Variants in KCNK13 observed in about 807,000 individuals in gnomAD.
The protein encoded by KCNK13 is potassium channel subfamily K member 13.
Under a neutral mutation model 23.4 loss-of-function variants are expected in KCNK13, and 12 were observed. The ratio of observed to expected loss-of-function variants is 0.51; its 90% CI spans 0.33 to 0.83. The LOEUF is 0.83. Ranked by LOEUF, KCNK13 falls within the 40% of genes least tolerant of loss-of-function variation. The pLI, the probability that KCNK13 is intolerant of heterozygous loss-of-function variation, is 0.02. For synonymous variants in KCNK13, 231 were observed against 229.5 expected (o/e 1.01, Z -0.06); for missense variants, 463 against 556.3 (o/e 0.83, Z 1.69).
At chr14:90,130,015 G>A (rs1008836842) in intron 1 of KCNK13, among the ~76,000 whole-genome samples, 6 of 152,108 alleles carry the variant, frequency 3.9e-5, no homozygotes, top group East Asian at 1.9e-4. Context: ...GACCATCAAC[G>A]GACATGTTTT....
intron 1 of KCNK13, among the ~76,000 whole-genome samples, chr14:90,114,427 G>A (rs1889651069): frequency 6.6e-6 from 1 of 152,150 alleles, no homozygotes; most frequent in South Asian, 2.1e-4. Context: ...TAAGTGGTCT[G>A]GGGCATGACC....
chr14:90,146,836 T>G (rs1890078837), intron 1 of KCNK13, among the ~76,000 whole-genome samples: 1 of 152,166 alleles, frequency 6.6e-6, no homozygotes, highest in African/African-American at 2.4e-5. Flanking sequence ...TATCTATTAT[T>G]TGTTCTCTTT....
chr14:90,132,900 C>T (rs1889892169), intron 1 of KCNK13, among the ~76,000 whole-genome samples: 1 of 152,148 alleles, frequency 6.6e-6, no homozygotes, highest in African/African-American at 2.4e-5. Flanking sequence ...TCATTTCCTG[C>T]CACTTCACCT....
chr14:90,184,552 T>G lies in KCNK13; in HGVS notation c.776T>G (p.Phe259Cys). 6.2e-7 allele frequency: 1 copy of G among 1,614,264 alleles called. No homozygotes were observed. Among genetic ancestry groups the G allele is most frequent in the Non-Finnish European group, 8.5e-7 (1 of 1,180,054 alleles). Residue 259 changes from phenylalanine to cysteine, a missense_variant, in exon 2 of 2, where the codon TTT becomes TGT. Transcript: ENST00000282146. The surrounding 1 kb of genome is among the most constrained non-coding windows in gnomAD (Gnocchi z 5.6). ...AHYESQGLYRFANFVFILMGV... is the reference protein window; with the variant it reads ...AHYESQGLYRCANFVFILMGV... ...TATGAGAGCCAAGGCCTCTATCGCT[T>G]TGCCAACTTCGTCTTCATCCTCATG...
intron 1 of KCNK13, among the ~76,000 whole-genome samples, chr14:90,065,543 C>G (rs368342064): frequency 1.3e-5 from 2 of 152,188 alleles, no homozygotes; most frequent in East Asian, 3.8e-4. Flanking sequence ...GCAGGTGCCA[C>G]AGTGGGCAAC....
intron 1 of KCNK13, among the ~76,000 whole-genome samples, chr14:90,127,727 G>A (rs1470687503): frequency 3.3e-5 from 5 of 149,814 alleles, no homozygotes; most frequent in Admixed American, 2.0e-4. Flanking sequence ...GCTGAGGCGG[G>A]AGGATCCCTT....
chr14:90,179,438 G>T lies in KCNK13; in HGVS notation c.335-4673G>T, dbSNP rs751741708. ...TCATGGGCTGAGTGAAGTGTTCTGT[G>T]GGGGTGGACTGGGACCTTGGCAGTC... On this transcript the variant is annotated intron_variant, in intron 1 of 1. Coordinates refer to ENST00000282146, the MANE Select transcript of KCNK13 (RefSeq NM_022054.4). Among the ~76,000 whole-genome samples the T allele has an allele frequency of 4.7e-4, 72 of 152,108 alleles. 2 individuals carry two copies. The highest frequency in any genetic ancestry group is 4.0e-4 in the Non-Finnish European group (27 of 68,014).
intron 1 of KCNK13, among the ~76,000 whole-genome samples, chr14:90,158,133 G>A (rs1890215519): frequency 6.6e-6 from 1 of 152,192 alleles, no homozygotes; most frequent in Non-Finnish European, 1.5e-5. Flanking sequence ...AGGTTAGAAG[G>A]GAGGCGACCA....
At chr14:90,154,792 T>G (rs980538756) in intron 1 of KCNK13, among the ~76,000 whole-genome samples, 3 of 152,256 alleles carry the variant, frequency 2.0e-5, no homozygotes, top group African/African-American at 7.2e-5. Context: ...CCTATTAATT[T>G]TATTAATTTA....
chr14:90,181,882 T>C (rs56731320), intron 1 of KCNK13, among the ~76,000 whole-genome samples: 39,802 of 152,130 alleles, frequency 0.26, 6,399 homozygotes, highest in East Asian at 0.65. Context: ...TTTTTCTGCC[T>C]GTTTGCTGCA....
chr14:90,172,879 G>A (rs1890381201), intron 1 of KCNK13, among the ~76,000 whole-genome samples: 1 of 152,174 alleles, frequency 6.6e-6, no homozygotes, highest in African/African-American at 2.4e-5. Flanking sequence ...TCAGAGAAAT[G>A]AGTGTTGTGA....
chr14:90,126,201 A>G (rs1303029151), intron 1 of KCNK13, among the ~76,000 whole-genome samples: 1 of 152,224 alleles, frequency 6.6e-6, no homozygotes, highest in Non-Finnish European at 1.5e-5. Context: ...AGAAGAATTT[A>G]GTATAATTTT....
chr14:90,114,464 C>T (rs1240239327), intron 1 of KCNK13, among the ~76,000 whole-genome samples: 1 of 152,160 alleles, frequency 6.6e-6, no homozygotes, highest in East Asian at 1.9e-4. Context: ...AAAACCTCTG[C>T]AGGTGATTCT....
chr14:90,081,460 C>T (rs1372609962), intron 1 of KCNK13, among the ~76,000 whole-genome samples: 1 of 152,178 alleles, frequency 6.6e-6, no homozygotes, highest in African/African-American at 2.4e-5. Flanking sequence ...CATCCACAAA[C>T]ATGTAAGCCC....
intron 1 of KCNK13, among the ~76,000 whole-genome samples, chr14:90,119,486 A>C (rs1889712419): frequency 6.6e-6 from 1 of 152,232 alleles, no homozygotes; most frequent in South Asian, 2.1e-4. Flanking sequence ...GGTTGGTTCA[A>C]CATATGCAAA....
At chr14:90,093,654 G>A (rs1001824741) in intron 1 of KCNK13, among the ~76,000 whole-genome samples, 5 of 152,078 alleles carry the variant, frequency 3.3e-5, no homozygotes, top group African/African-American at 9.7e-5. Context: ...TGGTGGTTGG[G>A]GTTATTTGAG....
chr14:90,148,844 A>C (rs1000545459), intron 1 of KCNK13, among the ~76,000 whole-genome samples: 3 of 152,204 alleles, frequency 2.0e-5, no homozygotes, highest in African/African-American at 7.2e-5. Context: ...GAGTAACAAC[A>C]CACTGTTCTT....
chr14:90,072,765 A>G (rs1889091216), intron 1 of KCNK13, among the ~76,000 whole-genome samples: 1 of 152,196 alleles, frequency 6.6e-6, no homozygotes, highest in Non-Finnish European at 1.5e-5. Context: ...TATTTCCTAT[A>G]CACTTTCTCA....
intron 1 of KCNK13, among the ~76,000 whole-genome samples, chr14:90,081,553 G>A (rs1276575017): frequency 6.6e-6 from 1 of 152,016 alleles, no homozygotes; most frequent in Non-Finnish European, 1.5e-5. Flanking sequence ...ACCTACTGAT[G>A]GTTCTTCTTT....
Sources: gnomAD v4.1 joint callset for allele counts (sites outside exome capture counted in the v4.1 genomes callset) on GRCh38, gnomAD v4.1.1 for gene constraint, Gnocchi (gnomAD v3.1) non-coding constraint, MANE v1.5 for transcripts, NCBI Gene and HGNC (gene_info 2026-07-23, HGNC 2026-07-21) for gene names.